KLHL1: variants seen among roughly 807,000 people sequenced by gnomAD.
The protein encoded by KLHL1 is kelch-like protein 1.
Under a neutral mutation model 77.7 loss-of-function variants are expected in KLHL1, and 47 were observed. The observed-to-expected ratio is 0.60, with a 90% CI of 0.48 to 0.77. The LOEUF is 0.77. Among genes scored for constraint, KLHL1 ranks in the 30% least tolerant of loss-of-function variants. The pLI is 0.00. For missense variants in KLHL1, 925 were observed against 910.8 expected (o/e 1.02, Z -0.20); for synonymous variants, 360 against 325.2 (o/e 1.11, Z -1.15).
At chr13:69,858,748 T>C (rs1050593741) in intron 5 of KLHL1, among the ~76,000 whole-genome samples, 9 of 152,068 alleles carry the variant, frequency 5.9e-5, no homozygotes, top group African/African-American at 2.2e-4. Flanking sequence ...TGATATGTGA[T>C]AAACACTTTC....
chr13:69,889,934 C>G (rs1881364829), intron 4 of KLHL1, among the ~76,000 whole-genome samples: 1 of 152,048 alleles, frequency 6.6e-6, no homozygotes. Flanking sequence ...GCTCTAGAGG[C>G]TACATTAACA....
chr13:69,847,898 G>T (rs940855662), intron 5 of KLHL1, among the ~76,000 whole-genome samples: 1 of 151,494 alleles, frequency 6.6e-6, no homozygotes, highest in African/African-American at 2.4e-5. Context: ...ATAAGCTGCA[G>T]AAAAATTTTT....
chr13:69,759,991 A>C (rs1244644062), intron 7 of KLHL1, among the ~76,000 whole-genome samples: 3 of 152,192 alleles, frequency 2.0e-5, no homozygotes, highest in Non-Finnish European at 4.4e-5. Context: ...TCCAGTGTAC[A>C]TAGGCAAAAA....
At chr13:70,011,020 G>C (rs1288197210) in intron 1 of KLHL1, among the ~76,000 whole-genome samples, 2 of 152,056 alleles carry the variant, frequency 1.3e-5, no homozygotes, top group Non-Finnish European at 2.9e-5. Context: ...TTAAGATGTT[G>C]AGTAATAAAT....
chr13:70,092,871 C>A (rs898936960), intron 1 of KLHL1, among the ~76,000 whole-genome samples: 27 of 152,062 alleles, frequency 1.8e-4, no homozygotes, highest in African/African-American at 6.5e-4. Flanking sequence ...TGATCACTCA[C>A]AGCTAGAATC....
intron 2 of KLHL1, among the ~76,000 whole-genome samples, chr13:69,963,754 T>G (rs935942537): frequency 6.6e-6 from 1 of 152,250 alleles, no homozygotes; most frequent in South Asian, 2.1e-4. Flanking sequence ...ATATTTAAAT[T>G]TACTGCCTTT....
intron 1 of KLHL1, among the ~76,000 whole-genome samples, chr13:70,002,538 T>G (rs924742477): frequency 6.6e-6 from 1 of 151,366 alleles, no homozygotes; most frequent in Non-Finnish European, 1.5e-5. Flanking sequence ...ACAGAGAAAA[T>G]ATTTAAATAA....
chr13:70,021,550 A>G (rs185883817), intron 1 of KLHL1, among the ~76,000 whole-genome samples: 153 of 152,168 alleles, frequency 1.0e-3, no homozygotes, highest in African/African-American at 3.6e-3. Context: ...GCTGAATCTC[A>G]TGGCAAACGT....
intron 7 of KLHL1, among the ~76,000 whole-genome samples, chr13:69,784,929 G>A (rs867481135): frequency 2.2e-4 from 25 of 116,020 alleles, no homozygotes; most frequent in South Asian, 8.6e-4. Context: ...TCGCTCTGTC[G>A]CCCAGGCTGG....
chr13:70,107,993 C>T lies in KLHL1; in HGVS notation c.-294G>A. 2.3e-6 allele frequency: 1 copy of T among 441,214 alleles called. No homozygotes were observed. Among genetic ancestry groups the T allele is most frequent in the South Asian group, 6.8e-5 (1 of 14,702 alleles). The allele number at this position is 441,214 out of a possible 1,614,324, so 27.3% of individuals were successfully genotyped here. A position where few individuals can be genotyped will look rare whatever the true frequency, so the allele number is the denominator to read the frequency against. On this transcript the variant is annotated 5_prime_UTR_variant, in exon 1 of 11. Transcript: ENST00000377844. ...CCAAAAGCTGAGAATCCTCGATGCC[C>T]GCGCGAGAGCCCCGTGTTATGGCGA...
Position 70,107,574 on chromosome 13 carries a change from G to A in KLHL1, c.126C>T (p.Gly42=), listed in dbSNP as rs376267562. 8.7e-6 allele frequency: 14 copies of A among 1,606,134 alleles called. No homozygotes were observed. In the African/African-American group the frequency reaches 1.5e-4, roughly 17 times the overall value. Residue 42 remains glycine, a synonymous_variant, in exon 1 of 11, where the codon GGC becomes GGT. Coordinates refer to ENST00000377844, the MANE Select transcript of KLHL1 (RefSeq NM_020866.3). Reference sequence around the variant, plus strand: ...GTCCCCAGTGCTCAAAGCTGCCACTGCCGTCCTGTTGCAGGCAGCCTCCCC... The same window carrying A: ...GTCCCCAGTGCTCAAAGCTGCCACTACCGTCCTGTTGCAGGCAGCCTCCCC... ...PAGGGCLQQD[G]SGSFEHWGPS...
intron 5 of KLHL1, among the ~76,000 whole-genome samples, chr13:69,840,694 ATATATATG>A (rs1451774368): frequency 7.8e-5 from 10 of 128,924 alleles, no homozygotes; most frequent in Non-Finnish European, 6.8e-5. Flanking sequence ...TTATATATAT[ATATATATG>A]TATGTATGTA....
At chr13:69,882,131 C>A in intron 5 of KLHL1, 152 bp downstream of exon 5, 3 of 619,864 alleles carry the variant, frequency 4.8e-6, no homozygotes, top group Non-Finnish European at 5.7e-6. Flanking sequence ...CATCATACAT[C>A]ATTTTCCACC....
At position 70,101,439 on chromosome 13, in the gene KLHL1, T is replaced by G. The variant is rs568349745; in HGVS notation, c.497+5764A>C. Among the ~76,000 whole-genome samples, 32 of 152,196 alleles carry G rather than the reference T, an allele frequency of 2.1e-4. No homozygotes were observed. The South Asian group carries it at 6.4e-3, about 31-fold the overall frequency. ...TCAATAGCCGTATATATATATAATT[T>G]TTTTTTAAGACGAAGTCTCGCTCTT... On this transcript the variant is annotated intron_variant, in intron 1 of 10. Coordinates refer to ENST00000377844, the MANE Select transcript of KLHL1 (RefSeq NM_020866.3).
chr13:69,888,830 C>T (rs1041545771), intron 4 of KLHL1, among the ~76,000 whole-genome samples: 2 of 151,972 alleles, frequency 1.3e-5, no homozygotes, highest in Non-Finnish European at 2.9e-5. Flanking sequence ...TTTAAAAAAA[C>T]TTACTTTAAA....
intron 6 of KLHL1, among the ~76,000 whole-genome samples, chr13:69,831,852 T>C (rs1212884640): frequency 6.7e-6 from 1 of 150,012 alleles, no homozygotes; most frequent in Non-Finnish European, 1.5e-5. Flanking sequence ...AAAAATCACA[T>C]CATCATCCCA....
chr13:70,020,332 T>A (rs1216683944), intron 1 of KLHL1, among the ~76,000 whole-genome samples: 1 of 152,162 alleles, frequency 6.6e-6, no homozygotes, highest in Non-Finnish European at 1.5e-5. Context: ...CTCAAAGAAT[T>A]ACCTATGTAT....
intron 1 of KLHL1, among the ~76,000 whole-genome samples, chr13:70,015,248 A>T (rs895998282): frequency 1.3e-5 from 2 of 152,188 alleles, no homozygotes; most frequent in African/African-American, 4.8e-5. Context: ...ACACCTAGAC[A>T]TATGATATAA....
intron 6 of KLHL1, among the ~76,000 whole-genome samples, chr13:69,836,861 A>AAT (rs968489251): frequency 3.3e-5 from 5 of 151,952 alleles, no homozygotes; most frequent in African/African-American, 9.7e-5. Flanking sequence ...CTGCAAAAAA[A>AAT]ATGCAATAAT....
Sources: allele counts gnomAD v4.1 joint callset (sites outside exome capture counted in the v4.1 genomes callset), GRCh38; gene constraint gnomAD v4.1.1; transcripts MANE v1.5; gene names NCBI Gene and HGNC (gene_info 2026-07-23, HGNC 2026-07-21).